The following TEAD1 variants were observed in gnomAD, a reference collection of about 807,000 sequenced individuals.
TEAD1 encodes transcriptional enhancer factor TEF-1.
In TEAD1, 9 loss-of-function variants were observed where a neutral mutation model predicts 54.9. The observed-to-expected ratio is 0.16, with a 90% CI of 0.10 to 0.29. The LOEUF (loss-of-function observed/expected upper bound fraction) is 0.29, where lower values mean the gene tolerates loss of function less well. Among genes scored for constraint, TEAD1 ranks in the 10% least tolerant of loss-of-function variants. The probability of loss-of-function intolerance (pLI) is 1.00; values close to 1 mark genes in which losing one functional copy is unlikely to be tolerated. For missense variants in TEAD1, 387 were observed against 535.9 expected (o/e 0.72, Z 2.74); for synonymous variants, 200 against 187.8 (o/e 1.07, Z -0.53).
chr11:12,775,231 C>T (rs796319721), intron 3 of TEAD1, among the ~76,000 whole-genome samples: 9 of 152,058 alleles, frequency 5.9e-5, no homozygotes, highest in African/African-American at 1.7e-4. Flanking sequence ...AACAGGGGGA[C>T]GGGGAGCTCC....
Position 12,919,810 on chromosome 11 carries a change from A to G in TEAD1, c.874-5102A>G, listed in dbSNP as rs565067491. On this transcript the variant is annotated intron_variant, in intron 10 of 12. Transcript: ENST00000527636. Reference sequence around the variant, plus strand: ...CTGAATTTTTATTTTTTATATATGTATGTATACAACATATGTTGAATTTTT... The same window carrying G: ...CTGAATTTTTATTTTTTATATATGTGTGTATACAACATATGTTGAATTTTT... 3.3e-5 allele frequency among the ~76,000 whole-genome samples: 5 copies of G among 152,276 alleles called. No homozygotes were observed. In the East Asian group the frequency reaches 9.6e-4, roughly 29 times the overall value.
At chr11:12,866,248 A>G (rs1347862586) in intron 5 of TEAD1, among the ~76,000 whole-genome samples, 4 of 152,194 alleles carry the variant, frequency 2.6e-5, no homozygotes, top group Non-Finnish European at 4.4e-5. Context: ...CTCTGTTTCT[A>G]GTTTCTCTGA....
chr11:12,800,737 A>G (rs118167521), intron 3 of TEAD1, among the ~76,000 whole-genome samples: 1 of 152,182 alleles, frequency 6.6e-6, no homozygotes, highest in Admixed American at 6.5e-5. Context: ...ATTTTCTTCA[A>G]TCTGGGAATA....
chr11:12,825,723 G>A (rs968669058), intron 3 of TEAD1, among the ~76,000 whole-genome samples: 12 of 150,556 alleles, frequency 8.0e-5, no homozygotes, highest in Non-Finnish European at 1.6e-4. Context: ...AAGAAAAAAA[G>A]ATTAGGGGTC....
intron 4 of TEAD1, among the ~76,000 whole-genome samples, chr11:12,863,465 C>T (rs897103975): frequency 2.0e-5 from 3 of 152,040 alleles, no homozygotes; most frequent in South Asian, 4.2e-4. Flanking sequence ...GGAGTTTCTG[C>T]TTCTCTGTAC....
intron 3 of TEAD1, among the ~76,000 whole-genome samples, chr11:12,837,036 A>G (rs117959644): frequency 1.3e-5 from 2 of 152,320 alleles, no homozygotes; most frequent in South Asian, 4.1e-4. Context: ...TCTCAAGCCC[A>G]GCAAACTCAT....
At position 12,939,168 on chromosome 11, in the gene TEAD1, T is replaced by G. The variant is rs530610071; in HGVS notation, c.*1946T>G. On this transcript the variant is annotated 3_prime_UTR_variant, in exon 13 of 13. Transcript: ENST00000527636. ...AATGCCCATTCCTTCTAGAAACCAG[T>G]TGGACAGTGCTCCTCTGCCCTTCAT... is the stretch of plus-strand genomic sequence containing the variant. 1.4e-4 allele frequency: 21 copies of G among 152,380 alleles called. No homozygotes were observed. Among genetic ancestry groups the G allele is most frequent in the African/African-American group, 4.3e-4 (18 of 41,590 alleles). 9.4% of individuals were successfully genotyped at this position (152,380 alleles called of 1,614,324 possible).
intron 2 of TEAD1, among the ~76,000 whole-genome samples, chr11:12,754,945 G>C (rs927543803): frequency 1.3e-5 from 2 of 152,208 alleles, no homozygotes; most frequent in Non-Finnish European, 2.9e-5. Context: ...GAAGGCCCTG[G>C]ACTACTTTTG....
chr11:12,878,798 CACATATATATATG>C, intron 5 of TEAD1: 1 of 673,566 alleles, frequency 1.5e-6, no homozygotes, highest in Non-Finnish European at 2.2e-6. Flanking sequence ...TGTATATATA[CACATATATATATG>C]TTTTTTTTTT....
At chr11:12,841,842 C>T (rs1947047306) in intron 3 of TEAD1, among the ~76,000 whole-genome samples, 1 of 152,180 alleles carries the variant, frequency 6.6e-6, no homozygotes, top group African/African-American at 2.4e-5. Flanking sequence ...ATAACTTTAC[C>T]TAGAGTCAGT....
intron 2 of TEAD1, among the ~76,000 whole-genome samples, chr11:12,762,294 T>C (rs1408817513): frequency 2.6e-5 from 4 of 152,180 alleles, no homozygotes; most frequent in African/African-American, 7.2e-5. Context: ...TTCATTCTTA[T>C]TCTCATAATT....
At chr11:12,788,007 G>T (rs1405765466) in intron 3 of TEAD1, among the ~76,000 whole-genome samples, 2 of 149,634 alleles carry the variant, frequency 1.3e-5, no homozygotes, top group African/African-American at 4.9e-5. Context: ...TTGTCGCTCA[G>T]GCTGGAGTGC....
At chr11:12,924,255 T>C (rs945044204) in intron 10 of TEAD1, among the ~76,000 whole-genome samples, 24 of 151,126 alleles carry the variant, frequency 1.6e-4, no homozygotes, top group African/African-American at 5.4e-4. Context: ...ATACCTTCCA[T>C]TGCTGCAACT....
intron 2 of TEAD1, among the ~76,000 whole-genome samples, chr11:12,731,730 A>G (rs936526707): frequency 2.6e-5 from 4 of 152,266 alleles, no homozygotes; most frequent in Middle Eastern, 6.8e-3. Context: ...AACTGTTTCC[A>G]TTACCTATTC....
rs2134182932 is a variant in TEAD1 at position 12,942,342 on chromosome 11, A to G, written c.*5120A>G. On this transcript the variant is annotated 3_prime_UTR_variant, in exon 13 of 13. Coordinates refer to ENST00000527636, the MANE Select transcript of TEAD1 (RefSeq NM_021961.6). ...TTTGGTTTACCGGGATGAGTAACCA[A>G]CCACAGGCCTCTGTTCACAAGAGCA... The G allele has an allele frequency of 6.6e-6, 1 of 152,448 alleles. No individual in the cohort carries two copies. Among genetic ancestry groups the G allele is most frequent in the South Asian group, 2.1e-4 (1 of 4,812 alleles). 9.4% of individuals were successfully genotyped at this position (152,448 alleles called of 1,614,324 possible).
chr11:12,878,720 GA>G (rs1947906289), intron 5 of TEAD1, among the ~76,000 whole-genome samples: 3 of 151,896 alleles, frequency 2.0e-5, no homozygotes, highest in Admixed American at 1.3e-4. Flanking sequence ...CCTAAAATGT[GA>G]AAAGGCCCAC....
chr11:12,682,143 A>G (rs551789424), intron 2 of TEAD1, among the ~76,000 whole-genome samples: 1 of 152,198 alleles, frequency 6.6e-6, no homozygotes, highest in Non-Finnish European at 1.5e-5. Context: ...AATCAGGTTA[A>G]ATTTGGCCAC....
intron 9 of TEAD1, among the ~76,000 whole-genome samples, chr11:12,889,993 ATTAC>A (rs954468382): frequency 6.6e-6 from 1 of 152,112 alleles, no homozygotes; most frequent in Non-Finnish European, 1.5e-5. Context: ...AAGTGCTGGG[ATTAC>A]AGGTGTGAGC....
intron 3 of TEAD1, among the ~76,000 whole-genome samples, chr11:12,844,959 C>CTTTTTTTTT (rs3046338): frequency 1.2e-4 from 8 of 64,670 alleles, no homozygotes; most frequent in Non-Finnish European, 1.8e-4. Context: ...TGTATGAAAT[C>CTTTTTTTTT]TTTTTTTTTT....
Sources: gnomAD v4.1 joint callset for allele counts (sites outside exome capture counted in the v4.1 genomes callset) on GRCh38, gnomAD v4.1.1 for gene constraint, MANE v1.5 for transcripts, NCBI Gene and HGNC (gene_info 2026-07-23, HGNC 2026-07-21) for gene names.